SERPINE3: variants seen among roughly 807,000 people sequenced by gnomAD.
SERPINE3 encodes serpin E3.
A neutral mutation model predicts 41.7 loss-of-function variants in SERPINE3; 43 were observed. The ratio of observed to expected loss-of-function variants is 1.03; its 90% CI spans 0.81 to 1.33. The LOEUF (loss-of-function observed/expected upper bound fraction) is 1.33. SERPINE3 is among the 40% of genes most tolerant of loss of function. The probability of loss-of-function intolerance (pLI) is 0.00; values close to 1 mark genes in which losing one functional copy is unlikely to be tolerated. For synonymous variants in SERPINE3, 200 were observed against 192.2 expected (o/e 1.04, Z -0.34); for missense variants, 440 against 491.7 (o/e 0.89, Z 0.99).
At chr13:51,346,879 T>A (rs1031357853) in intron 4 of SERPINE3, 146 bp from the exon 5 acceptor site, 1 of 625,310 alleles carries the variant, frequency 1.6e-6, no homozygotes, top group African/African-American at 1.8e-5. Context: ...TAAAAAGATA[T>A]TGTAAGATGA....
At chr13:51,347,539 A>G (rs1157428735) in intron 5 of SERPINE3, among the ~76,000 whole-genome samples, 1 of 152,208 alleles carries the variant, frequency 6.6e-6, no homozygotes, top group South Asian at 2.1e-4. Context: ...GGCAGGCACA[A>G]TAGGCCGGGA....
chr13:51,340,119 G>C (rs1164081666), intron 1 of SERPINE3, among the ~76,000 whole-genome samples: 1 of 152,222 alleles, frequency 6.6e-6, no homozygotes, highest in Non-Finnish European at 1.5e-5. Context: ...TGGAGAGAGT[G>C]AGTGTGAGCG....
chr13:51,346,678 G>A (rs992570405), intron 4 of SERPINE3, among the ~76,000 whole-genome samples: 5 of 151,894 alleles, frequency 3.3e-5, no homozygotes, highest in Non-Finnish European at 5.9e-5. Context: ...TGTCATTGTC[G>A]CCCCCATACC....
chr13:51,357,681 C>T (rs1479549262), intron 7 of SERPINE3, among the ~76,000 whole-genome samples: 1 of 152,034 alleles, frequency 6.6e-6, no homozygotes, highest in East Asian at 1.9e-4. Context: ...CCCCAGTCTC[C>T]TTGATACTAG....
chr13:51,350,913 G>A (rs1305979090), intron 6 of SERPINE3, among the ~76,000 whole-genome samples: 1 of 152,052 alleles, frequency 6.6e-6, no homozygotes, highest in African/African-American at 2.4e-5. Flanking sequence ...ACAATATGTG[G>A]CCTTTTGTGT....
Position 51,361,271 on chromosome 13 carries a change from T to C in SERPINE3, c.1001-7T>C, listed in dbSNP as rs376997189. 26 of 1,594,476 alleles carry C rather than the reference T, an allele frequency of 1.6e-5. No homozygotes were observed. Among genetic ancestry groups the C allele is most frequent in the Non-Finnish European group, 1.7e-6 (2 of 1,165,526 alleles). On this transcript the variant is annotated splice_polypyrimidine_tract_variant and splice_region_variant and intron_variant, in intron 7 of 9. Transcript: ENST00000681248. ...CAACTCACATTTTTATCATTTTCTG[T>C]GGTTAGGCCAAGATGGCTTTTATGT...
intron 6 of SERPINE3, among the ~76,000 whole-genome samples, chr13:51,354,632 C>T (rs1955452747): frequency 6.6e-6 from 1 of 151,742 alleles, no homozygotes; most frequent in South Asian, 2.1e-4. Context: ...TTGGGATAGC[C>T]ACTTTTCTCA....
Position 51,344,452 on chromosome 13 carries a change from C to T in SERPINE3, c.457C>T (p.Gln153Ter), listed in dbSNP as rs752931144. The T allele has an allele frequency of 5.0e-6, 8 of 1,600,674 alleles. No homozygotes were observed. Among genetic ancestry groups the T allele is most frequent in the Non-Finnish European group, 6.0e-6 (7 of 1,173,308 alleles). Residue 153 changes from glutamine to a stop codon, truncating the protein, a stop_gained, in exon 4 of 10, where the codon CAG (glutamine) becomes TAG (stop). Coordinates refer to ENST00000681248, the MANE Select transcript of SERPINE3 (RefSeq NM_001386375.1). LOFTEE classifies it high-confidence loss of function. ...CAGTGAGCCCAATAGCACCGCCATC[C>T]AGACTAGCGAAGGGGCCTCCAGAGA... The part of the protein sequence containing the change: ...DLSEPNSTAI[Q>*]TSEGASRETA...
intron 7 of SERPINE3, among the ~76,000 whole-genome samples, chr13:51,358,491 C>A (rs1955514868): frequency 6.6e-6 from 1 of 152,152 alleles, no homozygotes; most frequent in South Asian, 2.1e-4. Flanking sequence ...GCAGATGACC[C>A]ATTCTATGCC....
intron 6 of SERPINE3, among the ~76,000 whole-genome samples, chr13:51,350,453 T>C (rs1443515650): frequency 6.6e-6 from 1 of 152,038 alleles, no homozygotes; most frequent in Non-Finnish European, 1.5e-5. Flanking sequence ...AATAAAACAT[T>C]TGATTATTAG....
rs532147131 is a variant in SERPINE3 at position 51,364,307 on chromosome 13, T to C, written c.*25T>C. On this transcript the variant is annotated 3_prime_UTR_variant, in exon 10 of 10. Coordinates refer to ENST00000681248, the MANE Select transcript of SERPINE3 (RefSeq NM_001386375.1). ...AATGCATGTTCTCCACTTTCATCAA[T>C]GCTTTTCTTCATAAAGTTATAATTT... 3 of 1,350,922 alleles carry C rather than the reference T, an allele frequency of 2.2e-6. No homozygotes were observed. The South Asian group carries it at 4.0e-5, about 18-fold the overall frequency. The allele number at this position is 1,350,922 out of a possible 1,614,324, so 83.7% of individuals were successfully genotyped here.
intron 3 of SERPINE3, among the ~76,000 whole-genome samples, chr13:51,341,994 C>T (rs556089903): frequency 1.2e-4 from 18 of 152,212 alleles, no homozygotes; most frequent in African/African-American, 4.3e-4. Flanking sequence ...TATTTTAGAG[C>T]GGCTTTGCCG....
At chr13:51,360,241 C>T (rs1267652284) in intron 7 of SERPINE3, among the ~76,000 whole-genome samples, 1 of 151,998 alleles carries the variant, frequency 6.6e-6, no homozygotes, top group Non-Finnish European at 1.5e-5. Context: ...ATCATTTTAA[C>T]ATTCATGCCA....
intron 7 of SERPINE3, among the ~76,000 whole-genome samples, chr13:51,360,337 T>A (rs1955553301): frequency 1.3e-5 from 2 of 151,946 alleles, no homozygotes; most frequent in Non-Finnish European, 2.9e-5. Context: ...AGGGGTGGGA[T>A]GGGAGTGGGC....
intron 5 of SERPINE3, 133 bp from the exon 6 acceptor site, chr13:51,348,080 G>A (rs1051904972): frequency 2.1e-5 from 14 of 656,888 alleles, no homozygotes; most frequent in East Asian, 2.8e-5. Flanking sequence ...GCCTGAAACC[G>A]CCTCCTGAGG....
intron 7 of SERPINE3, among the ~76,000 whole-genome samples, chr13:51,360,166 A>G (rs1319657319): frequency 6.6e-6 from 1 of 152,092 alleles, no homozygotes; most frequent in African/African-American, 2.4e-5. Context: ...ACAAACACAA[A>G]CCAATTTAAG....
chr13:51,347,784 T>C (rs1955362165), intron 5 of SERPINE3, among the ~76,000 whole-genome samples: 1 of 152,194 alleles, frequency 6.6e-6, no homozygotes, highest in Admixed American at 6.5e-5. Context: ...CCCCAGGCTG[T>C]CTACAGTATG....
chr13:51,341,496 T>A, intron 3 of SERPINE3, 149 bp downstream of exon 3: 1 of 803,248 alleles, frequency 1.2e-6, no homozygotes, highest in Non-Finnish European at 1.9e-6. Context: ...CTCACCCTGC[T>A]GCTCAGGCTA....
chr13:51,344,187 G>A, intron 3 of SERPINE3, 65 bp from the exon 4 acceptor site: 3 of 1,152,850 alleles, frequency 2.6e-6, no homozygotes, highest in Non-Finnish European at 3.9e-6. Flanking sequence ...AATGTGTGCT[G>A]GAGGTTGTGC....
Sources: gnomAD v4.1 joint callset for allele counts (sites outside exome capture counted in the v4.1 genomes callset) on GRCh38, gnomAD v4.1.1 for gene constraint, MANE v1.5 for transcripts, NCBI Gene and HGNC (gene_info 2026-07-23, HGNC 2026-07-21) for gene names.